Variants in GLI2 observed in about 807,000 individuals in gnomAD.
GLI2 encodes the protein transcription activator GLI2.
A neutral mutation model predicts 78.9 loss-of-function variants in GLI2; 22 were observed. The observed-to-expected ratio is 0.28, with a 90% CI of 0.20 to 0.40. The LOEUF (loss-of-function observed/expected upper bound fraction) is 0.40. Ranked by LOEUF, GLI2 falls within the 10% of genes least tolerant of loss-of-function variation. GLI2 has a pLI of 1.00. For synonymous variants in GLI2, 974 were observed against 963.7 expected, an observed-to-expected ratio of 1.01 and a Z score of -0.20; for missense variants, 2,097 against 2,213.2, an observed-to-expected ratio of 0.95 and a Z score of 1.05.
At chr2:120,951,532 C>T (rs1166598624) in intron 4 of GLI2, 87 bp downstream of exon 4, 2 of 817,476 alleles carry the variant, frequency 2.4e-6, no homozygotes, top group Non-Finnish European at 2.0e-6. Flanking sequence ...CTGTCAACTC[C>T]TCAGCCTTGG....
rs193224693 is a variant in GLI2 at position 120,839,677 on chromosome 2, C to T, written c.148+42209C>T. On this transcript the variant is annotated intron_variant, in intron 2 of 13. Transcript: ENST00000361492. Reference sequence around the variant, plus strand: ...TCCCAGGTTCAAGAGATTCTCCCGCCTCAGCCACCCGAGTAGCTGGGATTA... The same window carrying T: ...TCCCAGGTTCAAGAGATTCTCCCGCTTCAGCCACCCGAGTAGCTGGGATTA... 4.5e-3 allele frequency among the ~76,000 whole-genome samples: 687 copies of T among 152,328 alleles called. 2 individuals carry two copies. The highest frequency in any genetic ancestry group is 6.8e-3 in the Non-Finnish European group (462 of 68,036).
At chr2:120,820,572 C>T (rs1327218831) in intron 2 of GLI2, among the ~76,000 whole-genome samples, 1 of 152,222 alleles carries the variant, frequency 6.6e-6, no homozygotes, top group Non-Finnish European at 1.5e-5. Flanking sequence ...GGTAGGCTGG[C>T]TGTGGATGTG....
rs1331300293 is a variant in GLI2 at position 120,801,643 on chromosome 2, C to A, written c.148+4175C>A. Among the ~76,000 whole-genome samples, 6 of 152,332 alleles carry A rather than the reference C, an allele frequency of 3.9e-5. No individual in the cohort carries two copies. In the East Asian group the frequency reaches 7.7e-4, roughly 20 times the overall value. ...AAGAAGGTGCAATTGATCTCAAGCA[C>A]CCCTAGCAATGAGATAGAAAGTGAA... On this transcript the variant is annotated intron_variant, in intron 2 of 13. Coordinates refer to ENST00000361492, the MANE Select transcript of GLI2 (RefSeq NM_001374353.1).
chr2:120,920,425 C>A (rs1331708079), intron 2 of GLI2, among the ~76,000 whole-genome samples: 2 of 152,240 alleles, frequency 1.3e-5, no homozygotes, highest in Non-Finnish European at 2.9e-5. Context: ...TTCTCTCCCC[C>A]AGGAATCCAC....
chr2:120,923,615 C>T (rs1226576376), intron 2 of GLI2, among the ~76,000 whole-genome samples: 1 of 152,044 alleles, frequency 6.6e-6, no homozygotes, highest in Admixed American at 6.6e-5. Flanking sequence ...CATACAGCAA[C>T]ACACACACCA....
chr2:120,753,854 C>T (rs978074672), intron 1 of GLI2, among the ~76,000 whole-genome samples: 1 of 148,482 alleles, frequency 6.7e-6, no homozygotes, highest in African/African-American at 2.5e-5. Context: ...TCTTGGCTCA[C>T]GCGGTGAGCC....
intron 2 of GLI2, among the ~76,000 whole-genome samples, chr2:120,882,930 A>G (rs1677222970): frequency 6.6e-6 from 1 of 152,192 alleles, no homozygotes; most frequent in Admixed American, 6.5e-5. Flanking sequence ...CACAACCAAG[A>G]TACAGAACAG....
intron 2 of GLI2, chr2:120,866,831 C>T (rs55811310): frequency 0.24 from 35,779 of 152,124 alleles, 4,934 homozygotes; most frequent in East Asian, 0.64. Context: ...TTTTCCACAG[C>T]TTGATTCGAA....
At chr2:120,857,129 A>G (rs550691781) in intron 2 of GLI2, among the ~76,000 whole-genome samples, 1 of 152,218 alleles carries the variant, frequency 6.6e-6, no homozygotes, top group South Asian at 2.1e-4. Context: ...GTGGATCTTA[A>G]CCTCTGAAGC....
chr2:120,736,680 C>G (rs540208102), intron 1 of GLI2, among the ~76,000 whole-genome samples: 1 of 152,124 alleles, frequency 6.6e-6, no homozygotes, highest in Non-Finnish European at 1.5e-5. Context: ...CCGAAGCTGC[C>G]GTAGGTGGGC....
chr2:120,758,974 G>A (rs1410642917), intron 1 of GLI2, among the ~76,000 whole-genome samples: 2 of 152,158 alleles, frequency 1.3e-5, no homozygotes, highest in East Asian at 1.9e-4. Flanking sequence ...TGGGGGCCAG[G>A]CCCTTTCTGT....
intron 2 of GLI2, among the ~76,000 whole-genome samples, chr2:120,887,345 T>C (rs1278166676): frequency 6.6e-6 from 1 of 152,206 alleles, no homozygotes; most frequent in African/African-American, 2.4e-5. Context: ...CTCACCAAAT[T>C]AGATCAATTC....
chr2:120,979,743 C>G (rs1278205507), intron 10 of GLI2, among the ~76,000 whole-genome samples: 1 of 152,040 alleles, frequency 6.6e-6, no homozygotes, highest in Non-Finnish European at 1.5e-5. Context: ...AGCAGCCACT[C>G]CTAATTCTGT....
intron 2 of GLI2, among the ~76,000 whole-genome samples, chr2:120,885,177 A>G (rs1014440108): frequency 6.6e-6 from 1 of 152,194 alleles, no homozygotes; most frequent in African/African-American, 2.4e-5. Flanking sequence ...CCTTCTGCAC[A>G]TCATGCAGAC....
intron 2 of GLI2, among the ~76,000 whole-genome samples, chr2:120,879,127 G>A (rs898038984): frequency 1.2e-4 from 19 of 152,244 alleles, no homozygotes; most frequent in South Asian, 2.1e-4. Context: ...CATGGATCTC[G>A]GTTGCGGATC....
chr2:120,896,463 G>A (rs1163362992), intron 2 of GLI2, among the ~76,000 whole-genome samples: 8 of 152,136 alleles, frequency 5.3e-5, no homozygotes, highest in Non-Finnish European at 1.2e-4. Context: ...GGGTGGGGGG[G>A]TATTGACAGT....
intron 2 of GLI2, among the ~76,000 whole-genome samples, chr2:120,838,342 A>G (rs933528165): frequency 6.6e-6 from 1 of 152,194 alleles, no homozygotes; most frequent in Admixed American, 6.5e-5. Context: ...TAAATTTTAT[A>G]TATTGATTGT....
intron 3 of GLI2, among the ~76,000 whole-genome samples, chr2:120,939,242 A>G (rs1680340487): frequency 6.6e-6 from 1 of 152,132 alleles, no homozygotes; most frequent in African/African-American, 2.4e-5. Context: ...AGATGGCGCC[A>G]TTGCACTCCA....
chr2:120,938,777 T>A (rs1680312034), intron 3 of GLI2, among the ~76,000 whole-genome samples: 1 of 152,116 alleles, frequency 6.6e-6, no homozygotes, highest in Non-Finnish European at 1.5e-5. Flanking sequence ...CATGGAGTGA[T>A]CATGTAGACG....
Sources: allele counts gnomAD v4.1 joint callset (sites outside exome capture counted in the v4.1 genomes callset), GRCh38; gene constraint gnomAD v4.1.1; transcripts MANE v1.5; gene names NCBI Gene and HGNC (gene_info 2026-07-23, HGNC 2026-07-21).